DLGAP2: variants seen among roughly 807,000 people sequenced by gnomAD.
The protein encoded by DLGAP2 is disks large-associated protein 2.
Under a neutral mutation model 100.3 loss-of-function variants are expected in DLGAP2, and 26 were observed. The observed-to-expected ratio is 0.26, with a 90% CI of 0.19 to 0.36. The LOEUF (loss-of-function observed/expected upper bound fraction) is 0.36, where lower values mean the gene tolerates loss of function less well. Among genes scored for constraint, DLGAP2 ranks in the 10% least tolerant of loss-of-function variants. The probability of loss-of-function intolerance (pLI) is 1.00; values close to 1 mark genes in which losing one functional copy is unlikely to be tolerated. For synonymous variants in DLGAP2, 886 were observed against 630.1 expected, an observed-to-expected ratio of 1.41 and a Z score of -6.08; for missense variants, 1,858 against 1,453.2, an observed-to-expected ratio of 1.28 and a Z score of -4.53.
chr8:1,172,166 A>AT (rs1797142780), intron 2 of DLGAP2, among the ~76,000 whole-genome samples: 1 of 151,806 alleles, frequency 6.6e-6, no homozygotes, highest in Admixed American at 6.6e-5. Flanking sequence ...TGGATATGAA[A>AT]TTCTGGGTTG....
At chr8:1,349,954 G>A (rs950365554) in intron 3 of DLGAP2, among the ~76,000 whole-genome samples, 5 of 152,082 alleles carry the variant, frequency 3.3e-5, no homozygotes, top group African/African-American at 7.2e-5. Flanking sequence ...CAAATATGCT[G>A]TACTTTACAG....
At chr8:1,217,961 G>C (rs1232947236) in intron 2 of DLGAP2, among the ~76,000 whole-genome samples, 2 of 152,078 alleles carry the variant, frequency 1.3e-5, no homozygotes, top group African/African-American at 4.8e-5. Context: ...TTTTTTGCTT[G>C]TTGATTTAAG....
At chr8:1,695,421 G>A (rs1359931972) in intron 13 of DLGAP2, among the ~76,000 whole-genome samples, 2 of 142,488 alleles carry the variant, frequency 1.4e-5, no homozygotes, top group African/African-American at 2.9e-5. Flanking sequence ...GAAAGAGGGG[G>A]CACAGCCATG....
At chr8:1,170,355 G>C (rs990877184) in intron 2 of DLGAP2, among the ~76,000 whole-genome samples, 2 of 151,952 alleles carry the variant, frequency 1.3e-5, no homozygotes, top group Admixed American at 1.3e-4. Context: ...TTTTTTGGTT[G>C]TGTCTCTGCC....
Position 1,533,135 on chromosome 8 carries a change from GAA to G in DLGAP2, c.173-15476_173-15475del, listed in dbSNP as rs58058808. Among the ~76,000 whole-genome samples, 309 of 119,708 alleles carry G rather than the reference GAA, an allele frequency of 2.6e-3. 2 individuals carry two copies. Among genetic ancestry groups the G allele is most frequent in the African/African-American group, 8.4e-3 (282 of 33,466 alleles). 78.5% of individuals were successfully genotyped at this position (119,708 alleles called of 152,430 possible). ...GCAGTTGTTAGTCACTGATTCTAGG[GAA>G]AAAAAAAAAAAAAAGATTAACGGCA... On this transcript the variant is annotated intron_variant, in intron 4 of 14. Transcript: ENST00000637795.
chr8:1,023,004 C>T (rs1020747577), intron 2 of DLGAP2, among the ~76,000 whole-genome samples: 1 of 152,208 alleles, frequency 6.6e-6, no homozygotes, highest in East Asian at 1.9e-4. Flanking sequence ...ATTAAACTCG[C>T]ATGTATCTTT....
intron 2 of DLGAP2, among the ~76,000 whole-genome samples, chr8:1,192,443 C>G (rs554421200): frequency 5.1e-4 from 77 of 152,232 alleles, no homozygotes; most frequent in African/African-American, 1.7e-3. Flanking sequence ...CAGTGATTTT[C>G]TAGAATATGA....
intron 2 of DLGAP2, among the ~76,000 whole-genome samples, chr8:921,247 C>T (rs1017960808): frequency 6.6e-6 from 1 of 152,136 alleles, no homozygotes; most frequent in Non-Finnish European, 1.5e-5. Flanking sequence ...CCCTGATTTC[C>T]GTGGCGCACA....
chr8:795,217 AG>A (rs1795998615), intron 1 of DLGAP2, among the ~76,000 whole-genome samples: 2 of 152,322 alleles, frequency 1.3e-5, no homozygotes, highest in South Asian at 4.1e-4. Flanking sequence ...GCCTCTAGCC[AG>A]GGCAATTTTG....
At position 765,653 on chromosome 8, in the gene DLGAP2, G is replaced by C. The variant is rs141235689; in HGVS notation, c.18+27828G>C. Among the ~76,000 whole-genome samples, 314 of 152,156 alleles carry C rather than the reference G, an allele frequency of 2.1e-3. 1 individual carries two copies. The highest frequency in any genetic ancestry group is 7.2e-3 in the African/African-American group (298 of 41,506). On this transcript the variant is annotated intron_variant, in intron 1 of 14. Transcript: ENST00000637795. ...TTAATTTTTGTATAATATAAACAAG[G>C]GTCACGTTTGGGACCTCTAAGACTC...
At chr8:819,142 C>G (rs1260896667) in intron 1 of DLGAP2, among the ~76,000 whole-genome samples, 1 of 152,144 alleles carries the variant, frequency 6.6e-6, no homozygotes, top group Non-Finnish European at 1.5e-5. Context: ...ATTTGCTACC[C>G]AAAATGTTAG....
At chr8:1,617,884 T>C (rs1220135676) in intron 6 of DLGAP2, among the ~76,000 whole-genome samples, 1 of 152,132 alleles carries the variant, frequency 6.6e-6, no homozygotes, top group African/African-American at 2.4e-5. Flanking sequence ...GAATAGGACA[T>C]ATGGAAAACA....
At chr8:848,766 G>T (rs1328007235) in intron 1 of DLGAP2, among the ~76,000 whole-genome samples, 12 of 141,436 alleles carry the variant, frequency 8.5e-5, no homozygotes, top group Non-Finnish European at 1.9e-4. Context: ...CGTGCGGTGC[G>T]TGTTCCAGTG....
At chr8:1,700,985 C>G (rs924537145) in intron 14 of DLGAP2, among the ~76,000 whole-genome samples, 1 of 152,200 alleles carries the variant, frequency 6.6e-6, no homozygotes, top group East Asian at 1.9e-4. Flanking sequence ...TGCGAGGGAG[C>G]TTCCACAAAT....
chr8:1,150,340 G>A (rs1796675926), intron 2 of DLGAP2, among the ~76,000 whole-genome samples: 1 of 152,162 alleles, frequency 6.6e-6, no homozygotes, highest in Non-Finnish European at 1.5e-5. Flanking sequence ...GCCAGGGCAT[G>A]GTATCATTGC....
At chr8:1,207,787 G>GT (rs1356969309) in intron 2 of DLGAP2, among the ~76,000 whole-genome samples, 3 of 152,172 alleles carry the variant, frequency 2.0e-5, no homozygotes, top group Non-Finnish European at 4.4e-5. Context: ...TCACACTGTG[G>GT]TTTTTTTATT....
At chr8:1,665,313 G>A (rs1371513739) in intron 8 of DLGAP2, among the ~76,000 whole-genome samples, 1 of 152,178 alleles carries the variant, frequency 6.6e-6, no homozygotes, top group Non-Finnish European at 1.5e-5. Flanking sequence ...CACATAATGA[G>A]CCAAGGTGGG....
intron 3 of DLGAP2, among the ~76,000 whole-genome samples, chr8:1,430,022 A>ATATATATATATATG (rs1797376625): frequency 1.0e-5 from 1 of 96,300 alleles, no homozygotes; most frequent in South Asian, 3.8e-4. Flanking sequence ...ATATATATAT[A>ATATATATATATATG]TATATACACA....
At chr8:1,167,860 T>G (rs1242276704) in intron 2 of DLGAP2, among the ~76,000 whole-genome samples, 1 of 151,940 alleles carries the variant, frequency 6.6e-6, no homozygotes, top group Non-Finnish European at 1.5e-5. Context: ...GACAGACACG[T>G]TAGCAAGTAC....
Sources: gnomAD v4.1 joint callset for allele counts (sites outside exome capture counted in the v4.1 genomes callset) on GRCh38, gnomAD v4.1.1 for gene constraint, MANE v1.5 for transcripts, NCBI Gene and HGNC (gene_info 2026-07-23, HGNC 2026-07-21) for gene names.